BICD1: variants seen among roughly 807,000 people sequenced by gnomAD.
BICD1 encodes the protein protein bicaudal D homolog 1.
Under a neutral mutation model 92.5 loss-of-function variants are expected in BICD1, and 35 were observed. That is an observed-to-expected ratio of 0.38 (90% CI 0.29 to 0.50). The LOEUF is 0.50. Among genes scored for constraint, BICD1 ranks in the 20% least tolerant of loss-of-function variants. The pLI is 0.93. For missense variants in BICD1, 950 were observed against 1,189.8 expected, an observed-to-expected ratio of 0.80 and a Z score of 2.97; for synonymous variants, 429 against 465.1, an observed-to-expected ratio of 0.92 and a Z score of 1.00.
At chr12:32,311,666 A>G (rs1183595519) in intron 4 of BICD1, among the ~76,000 whole-genome samples, 1 of 152,208 alleles carries the variant, frequency 6.6e-6, no homozygotes, top group Non-Finnish European at 1.5e-5. Context: ...GTTAAGATAA[A>G]GGATTGTGGA....
Position 32,216,450 on chromosome 12 carries a change from T to A in BICD1, c.417T>A (p.Asp139Glu). ...AGAGGCTCACCGCAGTCGTGCAGGA[T>A]CTGAAGGAGGTAAATAAACAAATTC... ...ENERLTAVVQ[D>E]LKENNEMVEL... Residue 139 changes from aspartate to glutamate, a missense_variant, in exon 2 of 10, where the codon GAT becomes GAA. Physicochemically the swap from Asp to Glu is conservative, Grantham distance 45. This residue lies in a region of BICD1 where 202 missense variants were observed against 205.3 expected (regional missense o/e 0.98). Transcript: ENST00000652176. 1 of 1,614,056 alleles carries A rather than the reference T, an allele frequency of 6.2e-7. No individual in the cohort carries two copies. The highest frequency in any genetic ancestry group is 8.5e-7 in the Non-Finnish European group (1 of 1,179,976).
intron 2 of BICD1, among the ~76,000 whole-genome samples, chr12:32,236,770 T>C (rs1313108486): frequency 6.6e-6 from 1 of 151,426 alleles, no homozygotes; most frequent in Non-Finnish European, 1.5e-5. Context: ...ACACAAATGA[T>C]AAGAAAGTGA....
At chr12:32,333,115 A>G in intron 5 of BICD1, 1 of 984,470 alleles carries the variant, frequency 1.0e-6, no homozygotes, top group Non-Finnish European at 1.2e-6. Context: ...GATACTGACC[A>G]TGGGATTCTA....
At chr12:32,138,571 C>T (rs1005887618) in intron 1 of BICD1, among the ~76,000 whole-genome samples, 6 of 152,174 alleles carry the variant, frequency 3.9e-5, no homozygotes, top group East Asian at 1.9e-4. Context: ...GGTGCCCACA[C>T]GTCTATTCTG....
intron 1 of BICD1, among the ~76,000 whole-genome samples, chr12:32,173,283 C>G (rs1440915243): frequency 1.3e-5 from 2 of 152,144 alleles, no homozygotes; most frequent in East Asian, 1.9e-4. Flanking sequence ...CTCCCGAGCT[C>G]AGGCAATCCG....
intron 2 of BICD1, among the ~76,000 whole-genome samples, chr12:32,269,834 C>G (rs1420210362): frequency 6.6e-6 from 1 of 152,014 alleles, no homozygotes; most frequent in African/African-American, 2.4e-5. Context: ...TGATCATTCA[C>G]AATTATCATA....
chr12:32,160,258 A>T (rs566909490), intron 1 of BICD1, among the ~76,000 whole-genome samples: 3 of 152,304 alleles, frequency 2.0e-5, no homozygotes, highest in African/African-American at 4.8e-5. Flanking sequence ...TCCCTTAGAG[A>T]TGTCCCCACA....
At chr12:32,159,253 G>A (rs903688237) in intron 1 of BICD1, among the ~76,000 whole-genome samples, 2 of 152,086 alleles carry the variant, frequency 1.3e-5, no homozygotes, top group African/African-American at 2.4e-5. Flanking sequence ...TTGATTTATC[G>A]GTTTCCTAGC....
chr12:32,300,631 ATTTTTTTTTTTTTTTT>A (rs34219566), intron 3 of BICD1, among the ~76,000 whole-genome samples: 11 of 80,566 alleles, frequency 1.4e-4, no homozygotes, highest in Non-Finnish European at 2.8e-4. Context: ...ACTTTACAGT[ATTTTTTTTTTTTTTTT>A]TTTTTTTTTT....
At chr12:32,283,998 C>T (rs765516847) in intron 2 of BICD1, among the ~76,000 whole-genome samples, 2 of 152,374 alleles carry the variant, frequency 1.3e-5, no homozygotes, top group Admixed American at 1.3e-4. Context: ...CTCCCCTTTC[C>T]TTCCCTGCCC....
chr12:32,164,378 A>C (rs1183954181), intron 1 of BICD1, among the ~76,000 whole-genome samples: 1 of 152,246 alleles, frequency 6.6e-6, no homozygotes, highest in African/African-American at 2.4e-5. Flanking sequence ...CTTAAAAATC[A>C]GTTCTTTCCA....
At chr12:32,183,322 G>A (rs2121525763) in intron 1 of BICD1, among the ~76,000 whole-genome samples, 1 of 150,782 alleles carries the variant, frequency 6.6e-6, no homozygotes, top group African/African-American at 2.4e-5. Flanking sequence ...CACCAGGCTG[G>A]AGTGCAGTGG....
At chr12:32,182,178 T>A in intron 1 of BICD1, among the ~76,000 whole-genome samples, 1 of 151,798 alleles carries the variant, frequency 6.6e-6, no homozygotes, top group East Asian at 1.9e-4. Context: ...TCTGAATGTA[T>A]CCTTTTGGTT....
chr12:32,185,067 G>A (rs1223415349), intron 1 of BICD1, among the ~76,000 whole-genome samples: 1 of 152,144 alleles, frequency 6.6e-6, no homozygotes, highest in Non-Finnish European at 1.5e-5. Context: ...CTCCACCCCT[G>A]CCACAGCCTT....
At chr12:32,346,390 GC>G (rs955238173) in intron 8 of BICD1, among the ~76,000 whole-genome samples, 2 of 149,340 alleles carry the variant, frequency 1.3e-5, no homozygotes, top group Non-Finnish European at 3.0e-5. Flanking sequence ...GGTGGTGCAT[GC>G]CTGTAGTTCC....
chr12:32,324,878 A>G (rs1948740606), intron 4 of BICD1, among the ~76,000 whole-genome samples: 2 of 152,288 alleles, frequency 1.3e-5, no homozygotes, highest in East Asian at 1.9e-4. Flanking sequence ...ACACCCGGCC[A>G]TACTGTACTT....
intron 1 of BICD1, among the ~76,000 whole-genome samples, chr12:32,127,716 G>C (rs188965318): frequency 3.1e-4 from 42 of 137,072 alleles, no homozygotes; most frequent in African/African-American, 1.1e-3. Flanking sequence ...TGACAAGTGT[G>C]AACGAAGGCA....
At chr12:32,232,274 G>A (rs1945914779) in intron 2 of BICD1, among the ~76,000 whole-genome samples, 2 of 149,484 alleles carry the variant, frequency 1.3e-5, no homozygotes. Flanking sequence ...TTTAATGATT[G>A]CCATTCTAAC....
At chr12:32,121,296 AT>A (rs1479798938) in intron 1 of BICD1, among the ~76,000 whole-genome samples, 1 of 151,494 alleles carries the variant, frequency 6.6e-6, no homozygotes, top group East Asian at 1.9e-4. Flanking sequence ...CCAGATCTTA[AT>A]TAATGTTGGC....
Sources: allele counts gnomAD v4.1 joint callset (sites outside exome capture counted in the v4.1 genomes callset), GRCh38; gene constraint gnomAD v4.1.1; regional missense constraint gnomAD v4.1.1; transcripts MANE v1.5; gene names NCBI Gene and HGNC (gene_info 2026-07-23, HGNC 2026-07-21).